Variants in TIMM44 observed in about 807,000 individuals in gnomAD.
TIMM44 encodes the protein translocase of inner mitochondrial membrane 44.
Under a neutral mutation model 63.8 loss-of-function variants are expected in TIMM44, and 37 were observed. The ratio of observed to expected loss-of-function variants is 0.58; its 90% CI spans 0.45 to 0.76. TIMM44 has a LOEUF of 0.76. Ranked by LOEUF, TIMM44 falls within the 30% of genes least tolerant of loss-of-function variation. The pLI is 0.00. For missense variants in TIMM44, 573 were observed against 603.8 expected (o/e 0.95, Z 0.54); for synonymous variants, 239 against 245.1 (o/e 0.98, Z 0.23).
In TIMM44 at chr19:7,931,175, C is replaced by G. The variant is rs1983972062; in HGVS notation, c.1001G>C (p.Gly334Ala). 1.2e-6 allele frequency: 2 copies of G among 1,613,970 alleles called. No individual in the cohort carries two copies. The highest frequency in any genetic ancestry group is 1.7e-6 in the Non-Finnish European group (2 of 1,179,966). ...CCAGTCTTTGAGAATGTCAAGCTCT[C>G]CAGAAATCATGGCCTAAAAAGGAAG... The part of the protein sequence containing the change: ...IPNVLEAMIS[G>A]ELDILKDWCY... Residue 334 changes from glycine to alanine, a missense_variant, in exon 10 of 13, where the codon GGA becomes GCA. By Grantham distance (60) the Gly-to-Ala change is moderately conservative (BLOSUM62 0). Transcript: ENST00000270538.
intron 2 of TIMM44, among the ~76,000 whole-genome samples, chr19:7,939,612 C>CA (rs34322159): frequency 0.17 from 15,371 of 90,968 alleles, 1,342 homozygotes; most frequent in Admixed American, 0.21. Flanking sequence ...GACTCCATCT[C>CA]AAAAAAAAAA....
intron 12 of TIMM44, 32 bp downstream of exon 12, chr19:7,927,625 A>ATG (rs1488902882): frequency 6.3e-7 from 1 of 1,589,140 alleles, no homozygotes; most frequent in African/African-American, 1.3e-5. Flanking sequence ...AGGCGGTGTC[A>ATG]TGTGCCTGCC....
intron 11 of TIMM44, 99 bp downstream of exon 11, chr19:7,927,978 C>A: frequency 7.9e-7 from 1 of 1,271,536 alleles, no homozygotes; most frequent in South Asian, 1.3e-5. Context: ...TGGATCAGCC[C>A]ATGGCCCCCA....
intron 11 of TIMM44, 88 bp from the exon 12 acceptor site, chr19:7,927,855 A>G (rs2145170368): frequency 7.2e-7 from 1 of 1,382,186 alleles, no homozygotes; most frequent in Admixed American, 1.8e-5. Context: ...AGGCCCTGCT[A>G]GGAGAAGGCT....
intron 10 of TIMM44, 145 bp from the exon 11 acceptor site, chr19:7,928,311 G>A: frequency 1.5e-6 from 1 of 661,178 alleles, no homozygotes; most frequent in Non-Finnish European, 2.6e-6. Context: ...TCCAAGTGGG[G>A]AGGCAGGTGC....
At chr19:7,932,565 C>CG (rs1984016064) in intron 9 of TIMM44, 62 bp downstream of exon 9, 1 of 1,584,074 alleles carries the variant, frequency 6.3e-7, no homozygotes, top group South Asian at 1.1e-5. Context: ...CCGGCTGCGG[C>CG]GGGGGAGGTG....
chr19:7,927,439 T>C (rs1222626522), intron 12 of TIMM44, 133 bp from the exon 13 acceptor site: 37 of 1,190,328 alleles, frequency 3.1e-5, no homozygotes, highest in Non-Finnish European at 4.5e-5. Flanking sequence ...GCCAGCACAA[T>C]TGCCTAGACT....
intron 3 of TIMM44, chr19:7,937,797 C>T: frequency 2.0e-6 from 1 of 488,074 alleles, no homozygotes; most frequent in South Asian, 2.0e-5. Flanking sequence ...GCGGGCGGAT[C>T]ACTTGAGGTC....
chr19:7,941,264 C>A, intron 1 of TIMM44, 67 bp from the exon 2 acceptor site: 1 of 1,224,776 alleles, frequency 8.2e-7, no homozygotes, highest in Non-Finnish European at 1.2e-6. Flanking sequence ...AAGCAGACCA[C>A]ACACAAAACA....
chr19:7,943,666 T>C lies in TIMM44; in HGVS notation c.-15A>G, dbSNP rs1361309407. 1 of 1,553,858 alleles carries C rather than the reference T, an allele frequency of 6.4e-7. No individual in the cohort carries two copies. The highest frequency in any genetic ancestry group is 8.6e-7 in the Non-Finnish European group (1 of 1,156,550). ...GCCGCCGCCATGTTGGAGAATCGTG[T>C]GACCTTCTCGCGGCGCGGCCCGGTT... On this transcript the variant is annotated 5_prime_UTR_variant, in exon 1 of 13. Transcript: ENST00000270538. This position sits in a 1 kb window ranked among gnomAD's most constrained non-coding sequence, Gnocchi z 4.3.
rs1489838518 is a variant in TIMM44 at position 7,928,087 on chromosome 19, T to G, written c.1118A>C (p.Asp373Ala). The G allele has an allele frequency of 9.3e-6, 15 of 1,613,956 alleles. No individual in the cohort carries two copies. The South Asian group carries it at 1.5e-4, about 17-fold the overall frequency. The stretch of plus-strand genomic sequence containing the variant: ...CTGCGAGGTGCTTACGTCGACGTTG[T>G]CAATGTCTAGGATGCGAGAATGGAA... ...LQFHSRILDI[D>A]NVDLAMGKMM... Residue 373 changes from aspartate (D) to alanine (A), a missense_variant, in exon 11 of 13, where the codon GAC becomes GCC. Asp to Ala is a moderately radical substitution (Grantham distance 126). Coordinates refer to ENST00000270538, the MANE Select transcript of TIMM44 (RefSeq NM_006351.4).
At position 7,941,148 on chromosome 19, in the gene TIMM44, T is replaced by A. The variant is rs374638647; in HGVS notation, c.95A>T (p.His32Leu). 1.2e-6 allele frequency: 2 copies of A among 1,613,734 alleles called. No individual in the cohort carries two copies. Among genetic ancestry groups the A allele is most frequent in the Non-Finnish European group, 1.7e-6 (2 of 1,179,904 alleles). ...CCGGCGCATCTGATAGGTCGACCCA[T>A]GGGGTAGGTTGTGGCTGGAAAGAAA... ...IQFLSSHNLP[H>L]GSTYQMRRPG... Residue 32 changes from histidine (H) to leucine (L), a missense_variant, in exon 2 of 13, where the codon CAT becomes CTT. His to Leu is a moderately conservative substitution (Grantham distance 99). Coordinates refer to ENST00000270538, the MANE Select transcript of TIMM44 (RefSeq NM_006351.4).
At position 7,942,662 on chromosome 19, in the gene TIMM44, C is replaced by A. The variant is rs573533032; in HGVS notation, c.45+945G>T. The stretch of plus-strand genomic sequence containing the variant: ...ATCTCCTGTATTTACTTGAGGATAA[C>A]TTTTTTTTTTTTTTTTGAGACGGAG... On this transcript the variant is annotated intron_variant, in intron 1 of 12. Coordinates refer to ENST00000270538, the MANE Select transcript of TIMM44 (RefSeq NM_006351.4). Among the ~76,000 whole-genome samples the A allele has an allele frequency of 1.9e-4, 27 of 139,524 alleles. 1 individual carries two copies. In the South Asian group the frequency reaches 5.8e-3, roughly 30 times the overall value. 91.5% of individuals were successfully genotyped at this position (139,524 alleles called of 152,430 possible). A position where few individuals can be genotyped will look rare whatever the true frequency, so the allele number is the denominator to read the frequency against.
At chr19:7,940,056 A>C (rs1984263252) in intron 2 of TIMM44, among the ~76,000 whole-genome samples, 1 of 152,052 alleles carries the variant, frequency 6.6e-6, no homozygotes, top group African/African-American at 2.4e-5. Flanking sequence ...CTGTCAAGCT[A>C]CAAGAGAAAG....
Position 7,934,051 on chromosome 19 carries a change from G to A in TIMM44, c.543+38C>T, listed in dbSNP as rs374735523. 2.5e-6 allele frequency: 4 copies of A among 1,613,174 alleles called. No homozygotes were observed. Among genetic ancestry groups the A allele is most frequent in the South Asian group, 1.1e-5 (1 of 91,074 alleles). ...CTGGGGTGGGTGTCTGGGTTCGGCCGCCCCAGGCTGCATGCCCTAGCCCAG... is the reference window on the plus strand; with the variant it reads ...CTGGGGTGGGTGTCTGGGTTCGGCCACCCCAGGCTGCATGCCCTAGCCCAG... On this transcript the variant is annotated intron_variant, in intron 5 of 12. Coordinates refer to ENST00000270538, the MANE Select transcript of TIMM44 (RefSeq NM_006351.4). The surrounding 1 kb of genome is among the most constrained non-coding windows in gnomAD (Gnocchi z 5.3).
In TIMM44 at chr19:7,933,643, A is replaced by C; in HGVS notation, c.684-73T>G. 1 of 1,416,314 alleles carries C rather than the reference A, an allele frequency of 7.1e-7. No homozygotes were observed. Among genetic ancestry groups the C allele is most frequent in the Non-Finnish European group, 1.0e-6 (1 of 1,001,062 alleles). 87.7% of individuals were successfully genotyped at this position (1,416,314 alleles called of 1,614,324 possible). On this transcript the variant is annotated intron_variant, in intron 6 of 12. Transcript: ENST00000270538. The surrounding 1 kb of genome is among the most constrained non-coding windows in gnomAD (Gnocchi z 4.3). ...CCTGTGCCCTCCTGCGGCTGCAGGC[A>C]GGGGGCAGTACAGGACAGCAGGCAG...
In TIMM44 at chr19:7,934,304, G is replaced by T. The variant is rs1276680725; in HGVS notation, c.394-66C>A. On this transcript the variant is annotated intron_variant, in intron 4 of 12. Transcript: ENST00000270538. The surrounding 1 kb of genome is among the most constrained non-coding windows in gnomAD (Gnocchi z 5.3). ...CTGGCGGCCGGGGGGCGGGGCAGGA[G>T]GAATGAATTCCTGCCGGAGAGAAGG... The T allele has an allele frequency of 1.1e-5, 18 of 1,584,226 alleles. No homozygotes were observed. In the East Asian group the frequency reaches 2.7e-4, roughly 24 times the overall value.
At chr19:7,932,238 C>G (rs1487689597) in intron 9 of TIMM44, 1 of 270,912 alleles carries the variant, frequency 3.7e-6, no homozygotes, top group African/African-American at 2.2e-5. Context: ...ACGGCTGCAG[C>G]TCTGGGTCAG....
At position 7,933,347 on chromosome 19, in the gene TIMM44, G is replaced by A. The variant is rs1057171481; in HGVS notation, c.769+138C>T. 1.2e-6 allele frequency: 1 copy of A among 829,340 alleles called. No individual in the cohort carries two copies. The highest frequency in any genetic ancestry group is 1.7e-5 in the Admixed American group (1 of 58,862). The allele number at this position is 829,340 out of a possible 1,614,324, so 51.4% of individuals were successfully genotyped here. Reference sequence around the variant, plus strand: ...AGCCCCACCATCATGTGACCGCAAAGAAGTGACCGGCCCACTCTGACCCCG... The same window carrying A: ...AGCCCCACCATCATGTGACCGCAAAAAAGTGACCGGCCCACTCTGACCCCG... On this transcript the variant is annotated intron_variant, in intron 7 of 12. Coordinates refer to ENST00000270538, the MANE Select transcript of TIMM44 (RefSeq NM_006351.4). This position sits in a 1 kb window ranked among gnomAD's most constrained non-coding sequence, Gnocchi z 4.3.
Sources: allele counts gnomAD v4.1 joint callset (sites outside exome capture counted in the v4.1 genomes callset), GRCh38; gene constraint gnomAD v4.1.1; non-coding constraint Gnocchi (gnomAD v3.1); transcripts MANE v1.5; gene names NCBI Gene and HGNC (gene_info 2026-07-23, HGNC 2026-07-21).